PIP4K2A: variants seen among roughly 807,000 people sequenced by gnomAD.
The protein encoded by PIP4K2A is phosphatidylinositol-5-phosphate 4-kinase type 2 alpha, also known as phosphatidylinositol 5-phosphate 4-kinase type-2 alpha.
In PIP4K2A, 14 loss-of-function variants were observed where a neutral mutation model predicts 42.9. The ratio of observed to expected loss-of-function variants is 0.33; its 90% CI spans 0.22 to 0.51. The LOEUF is 0.51. Among genes scored for constraint, PIP4K2A ranks in the 20% least tolerant of loss-of-function variants. The pLI is 0.97. For synonymous variants in PIP4K2A, 192 were observed against 192.2 expected (o/e 1.00, Z 0.01); for missense variants, 434 against 519.8 (o/e 0.83, Z 1.61).
intron 2 of PIP4K2A, among the ~76,000 whole-genome samples, chr10:22,608,945 T>G (rs1837969642): frequency 6.6e-6 from 1 of 152,204 alleles, no homozygotes; most frequent in African/African-American, 2.4e-5. Flanking sequence ...TCAGAATTGT[T>G]TCCCTCTTTG....
chr10:22,580,030 G>A (rs1038846546), intron 4 of PIP4K2A, among the ~76,000 whole-genome samples: 2 of 151,930 alleles, frequency 1.3e-5, no homozygotes, highest in African/African-American at 2.4e-5. Flanking sequence ...CCAAGGCCCC[G>A]AGGTGAGGGG....
intron 8 of PIP4K2A, 70 bp from the exon 9 acceptor site, chr10:22,540,144 G>A (rs1490731739): frequency 2.5e-6 from 2 of 800,308 alleles, no homozygotes; most frequent in East Asian, 2.5e-5. Flanking sequence ...TGCTGAGGGA[G>A]GGAGGGAGGG....
At chr10:22,692,144 G>A (rs557737262) in intron 1 of PIP4K2A, among the ~76,000 whole-genome samples, 1 of 151,936 alleles carries the variant, frequency 6.6e-6, no homozygotes, top group African/African-American at 2.4e-5. Context: ...CCTGCAACTA[G>A]ATGGTCCCAT....
intron 6 of PIP4K2A, chr10:22,567,451 A>G (rs569868196): frequency 2.6e-6 from 1 of 391,064 alleles, no homozygotes; most frequent in African/African-American, 2.1e-5. Flanking sequence ...TCAGCGATGC[A>G]AAGAAATGTA....
At chr10:22,707,696 G>A (rs1833846806) in intron 1 of PIP4K2A, among the ~76,000 whole-genome samples, 1 of 152,182 alleles carries the variant, frequency 6.6e-6, no homozygotes, top group African/African-American at 2.4e-5. Context: ...TGTGACCCAG[G>A]CGGGTAATCA....
intron 1 of PIP4K2A, among the ~76,000 whole-genome samples, chr10:22,619,533 T>G (rs559250432): frequency 6.6e-6 from 1 of 150,524 alleles, no homozygotes; most frequent in African/African-American, 2.5e-5. Flanking sequence ...GCCTCCTGGG[T>G]TCAAGCAATT....
chr10:22,560,388 G>A (rs1027565737), intron 6 of PIP4K2A, among the ~76,000 whole-genome samples: 1 of 152,204 alleles, frequency 6.6e-6, no homozygotes, highest in Non-Finnish European at 1.5e-5. Context: ...CCAGATAGGG[G>A]TAGTAATTAA....
In PIP4K2A at chr10:22,606,040, A is replaced by C. The variant is rs577898177; in HGVS notation, c.339+1887T>G. Among the ~76,000 whole-genome samples, 9 of 151,920 alleles carry C rather than the reference A, an allele frequency of 5.9e-5. No homozygotes were observed. In the South Asian group the frequency reaches 1.9e-3, roughly 31 times the overall value. Reference sequence around the variant, plus strand: ...ATTGTGATCTAAGTTCTCTCTTAAAAATTAAGCCCCAAGGCCAGGTGCACT... The same window carrying C: ...ATTGTGATCTAAGTTCTCTCTTAAACATTAAGCCCCAAGGCCAGGTGCACT... On this transcript the variant is annotated intron_variant, in intron 3 of 9. Transcript: ENST00000376573.
chr10:22,664,664 A>C (rs1446952746), intron 1 of PIP4K2A, among the ~76,000 whole-genome samples: 1 of 152,096 alleles, frequency 6.6e-6, no homozygotes, highest in Non-Finnish European at 1.5e-5. Flanking sequence ...AAAATGTTTT[A>C]CTTTTATTTT....
At chr10:22,604,015 AC>A (rs1564439104) in intron 3 of PIP4K2A, among the ~76,000 whole-genome samples, 1 of 139,116 alleles carries the variant, frequency 7.2e-6, no homozygotes. Context: ...GCACGCACAC[AC>A]ACACACACAC....
At chr10:22,640,014 C>CTTTTT (rs71395806) in intron 1 of PIP4K2A, among the ~76,000 whole-genome samples, 1 of 92,362 alleles carries the variant, frequency 1.1e-5, no homozygotes, top group African/African-American at 4.1e-5. Flanking sequence ...GATGTGTTGT[C>CTTTTT]TTTTTTTTTT....
chr10:22,629,883 A>G (rs1564448885), intron 1 of PIP4K2A, among the ~76,000 whole-genome samples: 1 of 152,224 alleles, frequency 6.6e-6, no homozygotes. Flanking sequence ...CCTCCTTTCT[A>G]TAAGATGTCT....
chr10:22,672,412 T>A (rs1336450441), intron 1 of PIP4K2A, among the ~76,000 whole-genome samples: 1 of 152,216 alleles, frequency 6.6e-6, no homozygotes, highest in African/African-American at 2.4e-5. Context: ...AAGAGATTTG[T>A]CTATAGTGAT....
chr10:22,593,918 C>A (rs1837567337), intron 3 of PIP4K2A, among the ~76,000 whole-genome samples: 2 of 152,200 alleles, frequency 1.3e-5, no homozygotes, highest in African/African-American at 4.8e-5. Context: ...CCAGCAGCCT[C>A]AGTTTCATAG....
chr10:22,597,403 G>A (rs1011845646), intron 3 of PIP4K2A, among the ~76,000 whole-genome samples: 1 of 152,170 alleles, frequency 6.6e-6, no homozygotes, highest in African/African-American at 2.4e-5. Context: ...TGACCATGTG[G>A]CACACTGCAT....
intron 3 of PIP4K2A, among the ~76,000 whole-genome samples, chr10:22,605,648 C>A (rs142035165): frequency 1.3e-5 from 2 of 152,078 alleles, no homozygotes; most frequent in African/African-American, 4.8e-5. Flanking sequence ...ATTGAGGAAT[C>A]TAACAAGATA....
At chr10:22,639,074 T>C (rs1838725095) in intron 1 of PIP4K2A, among the ~76,000 whole-genome samples, 1 of 152,108 alleles carries the variant, frequency 6.6e-6, no homozygotes, top group Non-Finnish European at 1.5e-5. Context: ...AGAAAAACAA[T>C]GACTCATGGT....
chr10:22,602,267 C>T (rs1223217409), intron 3 of PIP4K2A, among the ~76,000 whole-genome samples: 1 of 151,558 alleles, frequency 6.6e-6, no homozygotes, highest in Non-Finnish European at 1.5e-5. Flanking sequence ...GTGGCACATA[C>T]CTGTAGTCCC....
intron 1 of PIP4K2A, among the ~76,000 whole-genome samples, chr10:22,626,266 A>G (rs1337511229): frequency 1.3e-5 from 2 of 151,914 alleles, no homozygotes; most frequent in East Asian, 3.8e-4. Context: ...TTAAAAAAAA[A>G]GAGTAACTTG....
Sources: gnomAD v4.1 joint callset for allele counts (sites outside exome capture counted in the v4.1 genomes callset) on GRCh38, gnomAD v4.1.1 for gene constraint, MANE v1.5 for transcripts, NCBI Gene and HGNC (gene_info 2026-07-23, HGNC 2026-07-21) for gene names.